VPS13B: variants seen among roughly 807,000 people sequenced by gnomAD.
VPS13B encodes vacuolar protein sorting 13 homolog B.
A neutral mutation model predicts 426.4 loss-of-function variants in VPS13B; 285 were observed. That is an observed-to-expected ratio of 0.67 (90% CI 0.61 to 0.74). The LOEUF (loss-of-function observed/expected upper bound fraction) is 0.74, where lower values mean the gene tolerates loss of function less well. VPS13B is among the 30% of genes least tolerant of loss of function. The pLI is 0.00. For missense variants in VPS13B, 4,537 were observed against 4,782.6 expected (o/e 0.95, Z 1.51); for synonymous variants, 1,676 against 1,676.4 (o/e 1.00, Z 0.01).
intron 39 of VPS13B, among the ~76,000 whole-genome samples, chr8:99,762,861 G>A (rs1397540593): frequency 6.6e-6 from 1 of 151,970 alleles, no homozygotes; most frequent in Non-Finnish European, 1.5e-5. Flanking sequence ...ATTTAGGCCT[G>A]GCACAGTGGG....
intron 19 of VPS13B, among the ~76,000 whole-genome samples, chr8:99,364,070 C>T (rs1812704976): frequency 6.6e-6 from 1 of 152,128 alleles, no homozygotes; most frequent in South Asian, 2.1e-4. Flanking sequence ...TTCTGATTTT[C>T]CCCATTCAGT....
At chr8:99,598,341 A>G (rs1827119247) in intron 33 of VPS13B, among the ~76,000 whole-genome samples, 1 of 152,078 alleles carries the variant, frequency 6.6e-6, no homozygotes, top group Non-Finnish European at 1.5e-5. Context: ...TTTAGTAAGG[A>G]AATATCTGTA....
intron 19 of VPS13B, among the ~76,000 whole-genome samples, chr8:99,332,019 A>T (rs1252701566): frequency 1.3e-5 from 2 of 151,776 alleles, no homozygotes; most frequent in African/African-American, 4.8e-5. Context: ...AAATTTGAGC[A>T]TCTTTGTAAC....
intron 6 of VPS13B, among the ~76,000 whole-genome samples, 191 bp downstream of exon 6, chr8:99,111,470 A>G (rs1403861837): frequency 1.3e-5 from 2 of 151,960 alleles, no homozygotes; most frequent in Non-Finnish European, 2.9e-5. Context: ...AACGTATTCT[A>G]CTAGAGTTTA....
chr8:99,349,385 T>A (rs1299995539), intron 19 of VPS13B, among the ~76,000 whole-genome samples: 1 of 149,902 alleles, frequency 6.7e-6, no homozygotes, highest in Admixed American at 6.6e-5. Context: ...TTTCTTTTAC[T>A]ACTCAGACTA....
intron 17 of VPS13B, among the ~76,000 whole-genome samples, chr8:99,200,454 T>A (rs191681020): frequency 6.6e-6 from 1 of 152,274 alleles, no homozygotes; most frequent in Admixed American, 6.5e-5. Context: ...ATGGTAATTT[T>A]ATTTGTAACC....
At chr8:99,851,058 T>C (rs1816268023) in intron 55 of VPS13B, among the ~76,000 whole-genome samples, 1 of 152,242 alleles carries the variant, frequency 6.6e-6, no homozygotes, top group African/African-American at 2.4e-5. Context: ...ATGTTTTCTT[T>C]GCCCAAAAGT....
intron 3 of VPS13B, among the ~76,000 whole-genome samples, chr8:99,075,863 T>G (rs940540150): frequency 6.6e-6 from 1 of 152,182 alleles, no homozygotes; most frequent in Non-Finnish European, 1.5e-5. Context: ...TTGTTTAGTC[T>G]CTAGTTATTT....
intron 17 of VPS13B, chr8:99,233,609 C>T (rs543435115): frequency 1.6e-5 from 19 of 1,195,536 alleles, no homozygotes; most frequent in Middle Eastern, 5.5e-4. Context: ...AAAGGCCTCA[C>T]GCAGCTTCTT....
chr8:99,330,698 C>A (rs1049274856), intron 19 of VPS13B, among the ~76,000 whole-genome samples: 1 of 151,522 alleles, frequency 6.6e-6, no homozygotes, highest in East Asian at 1.9e-4. Context: ...ATTAGAAGGG[C>A]GTTACAGTGG....
At chr8:99,107,870 AG>A (rs1445908412) in intron 5 of VPS13B, among the ~76,000 whole-genome samples, 1 of 152,168 alleles carries the variant, frequency 6.6e-6, no homozygotes, top group Non-Finnish European at 1.5e-5. Flanking sequence ...TTAGGTTGAG[AG>A]GGTACATGTG....
chr8:99,742,956 A>G (rs948586813), intron 39 of VPS13B, among the ~76,000 whole-genome samples: 7 of 152,228 alleles, frequency 4.6e-5, no homozygotes, highest in Middle Eastern at 3.4e-3. Context: ...ATTCAACATA[A>G]TGTTGGAAGT....
intron 17 of VPS13B, among the ~76,000 whole-genome samples, chr8:99,246,216 G>C (rs1483815570): frequency 6.6e-6 from 1 of 152,198 alleles, no homozygotes; most frequent in African/African-American, 2.4e-5. Flanking sequence ...AGTAGTTAGA[G>C]CTTCCAATAT....
intron 19 of VPS13B, among the ~76,000 whole-genome samples, chr8:99,378,184 A>C (rs1347076601): frequency 8.2e-6 from 1 of 121,334 alleles, no homozygotes; most frequent in Non-Finnish European, 1.6e-5. Flanking sequence ...AATTATTAAT[A>C]TTCCTTACTG....
chr8:99,394,325 GCTGATACTGCA>G (rs1260146430), intron 21 of VPS13B, among the ~76,000 whole-genome samples: 1 of 152,136 alleles, frequency 6.6e-6, no homozygotes, highest in African/African-American at 2.4e-5. Context: ...ACAAAGACCT[GCTGATACTGCA>G]CTGGGTTTGA....
Position 99,641,909 on chromosome 8 carries a change from T to G in VPS13B, c.5319T>G (p.Ser1773Arg), listed in dbSNP as rs773063824. 3.7e-6 allele frequency: 6 copies of G among 1,613,982 alleles called. No individual in the cohort carries two copies. The highest frequency in any genetic ancestry group is 1.3e-5 in the African/African-American group (1 of 74,896). The change falls in exon 34 of 62, where the codon AGT (serine) becomes AGG (arginine). Residue 1773 changes from serine to arginine, a missense_variant. Transcript: ENST00000357162. ...YSGAQDSGIG[S>R]DSVKIRIVQI... ...GTGCTCAGGATAGTGGAATTGGCAG[T>G]GACAGTGTTAAAATCAGAATAGTGC...
At chr8:99,751,534 C>T (rs940228302) in intron 39 of VPS13B, among the ~76,000 whole-genome samples, 9 of 152,126 alleles carry the variant, frequency 5.9e-5, no homozygotes, top group African/African-American at 2.2e-4. Context: ...TATGAAGTCA[C>T]GAATCATGTC....
Position 99,868,608 on chromosome 8 carries a change from T to C in VPS13B, c.11392+143T>C. On this transcript the variant is annotated intron_variant, in intron 59 of 61. Transcript: ENST00000357162. ...CCTCTCTATGCTTATTTACACAGAG[T>C]AGAATTTTACTACTAATAATAAAAC... 3 of 993,838 alleles carry C rather than the reference T, an allele frequency of 3.0e-6. No individual in the cohort carries two copies. The South Asian group carries it at 4.6e-5, about 15-fold the overall frequency. 61.6% of individuals were successfully genotyped at this position (993,838 alleles called of 1,614,324 possible).
At chr8:99,704,393 T>A (rs1210515195) in intron 36 of VPS13B, among the ~76,000 whole-genome samples, 1 of 152,150 alleles carries the variant, frequency 6.6e-6, no homozygotes, top group Non-Finnish European at 1.5e-5. Context: ...GTTAACTGGG[T>A]CTCCCAGGGA....
Sources: gnomAD v4.1 joint callset for allele counts (sites outside exome capture counted in the v4.1 genomes callset) on GRCh38, gnomAD v4.1.1 for gene constraint, MANE v1.5 for transcripts, NCBI Gene and HGNC (gene_info 2026-07-23, HGNC 2026-07-21) for gene names.